The following SCRG1 variants were observed in gnomAD, a reference collection of about 807,000 sequenced individuals.
SCRG1 encodes the protein scrapie-responsive protein 1.
Under a neutral mutation model 7.7 loss-of-function variants are expected in SCRG1, and 3 were observed. The observed-to-expected ratio is 0.39, with a 90% CI of 0.18 to 1.01. The LOEUF is 1.01. Among genes scored for constraint, SCRG1 ranks in the 50% least tolerant of loss-of-function variants. The pLI is 0.36. For synonymous variants in SCRG1, 46 were observed against 41.2 expected (o/e 1.12, Z -0.44); for missense variants, 110 against 117.2 (o/e 0.94, Z 0.28).
chr4:173,431,466 G>C, the SCRG1 span, among the ~76,000 whole-genome samples: 1 of 152,170 alleles, frequency 6.6e-6, no homozygotes, highest in Non-Finnish European at 1.5e-5. Flanking sequence ...TGTACTCTAA[G>C]GCAAAAATAC....
the SCRG1 span, among the ~76,000 whole-genome samples, chr4:173,497,931 C>T: frequency 1.7e-4 from 26 of 152,106 alleles, no homozygotes; most frequent in African/African-American, 5.8e-4. Context: ...CCACCCGCCT[C>T]GGCCTCCCAA....
chr4:173,439,344 T>C, the SCRG1 span, among the ~76,000 whole-genome samples: 2 of 152,044 alleles, frequency 1.3e-5, no homozygotes, highest in African/African-American at 4.8e-5. Flanking sequence ...CTGGCCATCA[T>C]AGGCAGACTC....
chr4:173,514,060 T>C, the SCRG1 span, among the ~76,000 whole-genome samples: 1 of 152,334 alleles, frequency 6.6e-6, no homozygotes, highest in East Asian at 1.9e-4. Flanking sequence ...CTACTGAAGA[T>C]ATGGGATTGA....
chr4:173,437,601 G>A, the SCRG1 span, among the ~76,000 whole-genome samples: 1 of 152,126 alleles, frequency 6.6e-6, no homozygotes, highest in Non-Finnish European at 1.5e-5. Flanking sequence ...AATTAGAGTG[G>A]TAATTTATTA....
At chr4:173,456,435 A>G in the SCRG1 span, among the ~76,000 whole-genome samples, 3 of 152,118 alleles carry the variant, frequency 2.0e-5, no homozygotes, top group African/African-American at 7.2e-5. Flanking sequence ...ATCATACGAC[A>G]CCCCAAGCTT....
the SCRG1 span, among the ~76,000 whole-genome samples, chr4:173,432,792 A>G: frequency 2.0e-5 from 3 of 152,210 alleles, no homozygotes; most frequent in Non-Finnish European, 4.4e-5. Flanking sequence ...ATAATTTTCA[A>G]GCTACCCTAT....
At chr4:173,400,262 T>C (rs1367758700), upstream of SCRG1, among the ~76,000 whole-genome samples, 1 of 152,162 alleles carries the variant, frequency 6.6e-6, no homozygotes, top group African/African-American at 2.4e-5. Context: ...ATGTTTAGCA[T>C]AGAGATAGGA....
chr4:173,398,653 G>T (rs1199387931), intron 1 of SCRG1, among the ~76,000 whole-genome samples: 1 of 152,158 alleles, frequency 6.6e-6, no homozygotes, highest in Non-Finnish European at 1.5e-5. Context: ...CTTAGATGTT[G>T]CAGTTAACTT....
At chr4:173,424,720 C>T in the SCRG1 span, among the ~76,000 whole-genome samples, 4 of 152,126 alleles carry the variant, frequency 2.6e-5, no homozygotes, top group East Asian at 7.7e-4. Flanking sequence ...ATCAGCCTGG[C>T]CAACATGGTG....
the SCRG1 span, among the ~76,000 whole-genome samples, chr4:173,476,379 T>TATATATAA: frequency 1.5e-5 from 2 of 137,254 alleles, no homozygotes; most frequent in Non-Finnish European, 3.2e-5. Flanking sequence ...TATATATATA[T>TATATATAA]AATGAATTGA....
chr4:173,514,541 A>C, the SCRG1 span, among the ~76,000 whole-genome samples: 1 of 152,312 alleles, frequency 6.6e-6, no homozygotes, highest in South Asian at 2.1e-4. Context: ...CTTTAAGTTT[A>C]AATAAAAAAG....
At chr4:173,401,066 G>A (rs1199661261), upstream of SCRG1, among the ~76,000 whole-genome samples, 7 of 152,110 alleles carry the variant, frequency 4.6e-5, no homozygotes, top group East Asian at 3.9e-4. Context: ...AGAACAACAC[G>A]TGCACACCCT....
the SCRG1 span, among the ~76,000 whole-genome samples, chr4:173,475,993 T>A: frequency 1.3e-5 from 2 of 152,190 alleles, no homozygotes; most frequent in African/African-American, 4.8e-5. Context: ...GAAAAAATTC[T>A]GGAAGCAGAA....
the SCRG1 span, among the ~76,000 whole-genome samples, chr4:173,480,244 G>A: frequency 4.6e-5 from 7 of 152,122 alleles, no homozygotes; most frequent in Admixed American, 3.9e-4. Context: ...GAGGATGGAG[G>A]AACAAGTTAA....
chr4:173,498,250 A>C, the SCRG1 span, among the ~76,000 whole-genome samples: 11 of 152,288 alleles, frequency 7.2e-5, no homozygotes, highest in East Asian at 2.1e-3. Flanking sequence ...GGCCCTTAAG[A>C]GCTCCACCCA....
chr4:173,465,009 A>C, the SCRG1 span, among the ~76,000 whole-genome samples: 17 of 152,222 alleles, frequency 1.1e-4, no homozygotes, highest in Non-Finnish European at 2.1e-4. Context: ...AACATTGTAC[A>C]ATTCCACTTA....
At chr4:173,391,478 A>G in intron 1 of SCRG1, 50 bp from the exon 2 acceptor site, 3 of 1,583,114 alleles carry the variant, frequency 1.9e-6, no homozygotes, top group South Asian at 1.1e-5. Context: ...TTTTAAAGAT[A>G]GAATTCATCT....
the SCRG1 span, among the ~76,000 whole-genome samples, chr4:173,434,180 C>G: frequency 6.6e-6 from 1 of 152,094 alleles, no homozygotes; most frequent in Non-Finnish European, 1.5e-5. Context: ...TGAATTCTTT[C>G]CTTGAATCTA....
the SCRG1 span, among the ~76,000 whole-genome samples, chr4:173,508,124 C>G: frequency 6.6e-6 from 1 of 152,336 alleles, no homozygotes; most frequent in South Asian, 2.1e-4. The surrounding 1 kb of genome is among the most constrained non-coding windows in gnomAD (Gnocchi z 4.4). Flanking sequence ...GCTCCCTCTT[C>G]CTGGCTGCTA....
Sources: allele counts gnomAD v4.1 joint callset (sites outside exome capture counted in the v4.1 genomes callset), GRCh38; gene constraint gnomAD v4.1.1; non-coding constraint Gnocchi (gnomAD v3.1); transcripts MANE v1.5; gene names NCBI Gene and HGNC (gene_info 2026-07-23, HGNC 2026-07-21).